Variants in CCDC178 observed in about 807,000 individuals in gnomAD.
The protein encoded by CCDC178 is coiled-coil domain-containing protein 178.
A neutral mutation model predicts 117.4 loss-of-function variants in CCDC178; 126 were observed. The observed-to-expected ratio is 1.07, with a 90% CI of 0.93 to 1.24. CCDC178 has a LOEUF of 1.24. Ranked by LOEUF, CCDC178 falls within the 50% of genes most tolerant of loss-of-function variation. The pLI is 0.00. For missense variants in CCDC178, 1,030 were observed against 986.9 expected (o/e 1.04, Z -0.59); for synonymous variants, 283 against 313.4 (o/e 0.90, Z 1.02).
chr18:33,001,142 C>T (rs2055622677), intron 21 of CCDC178, among the ~76,000 whole-genome samples: 1 of 152,116 alleles, frequency 6.6e-6, no homozygotes, highest in South Asian at 2.1e-4. Context: ...TCTGTGTTAT[C>T]ATCAATTTAA....
At chr18:32,953,200 G>A (rs1436253077) in intron 22 of CCDC178, among the ~76,000 whole-genome samples, 1 of 152,188 alleles carries the variant, frequency 6.6e-6, no homozygotes, top group Non-Finnish European at 1.5e-5. Flanking sequence ...GAGGCAAAAT[G>A]CTGCCAGTCT....
intron 5 of CCDC178, among the ~76,000 whole-genome samples, chr18:33,381,696 C>A (rs1306463963): frequency 1.3e-5 from 2 of 152,006 alleles, no homozygotes; most frequent in Non-Finnish European, 2.9e-5. Context: ...GCTTGCAGAC[C>A]ATGCAAATTG....
chr18:33,007,479 G>A (rs1463642200), intron 21 of CCDC178, among the ~76,000 whole-genome samples: 1 of 151,874 alleles, frequency 6.6e-6, no homozygotes, highest in Non-Finnish European at 1.5e-5. Flanking sequence ...CAAGCTAAGG[G>A]TCAGGTATTC....
chr18:32,971,119 T>C (rs1010593524), intron 22 of CCDC178, among the ~76,000 whole-genome samples: 8 of 152,036 alleles, frequency 5.3e-5, no homozygotes, highest in African/African-American at 1.9e-4. Flanking sequence ...ACCCATCATC[T>C]AGGTTTTAAG....
In CCDC178 at chr18:33,123,318, T is replaced by A. The variant is rs183441585; in HGVS notation, c.2239-30408A>T. On this transcript the variant is annotated intron_variant, in intron 20 of 22. Coordinates refer to ENST00000383096, the MANE Select transcript of CCDC178 (RefSeq NM_001105528.4). ...TTACAGAAAGGTAAGATGCTTAAGA[T>A]GATTTGCATAAAATGAGAGTAATGA... Among the ~76,000 whole-genome samples, 772 of 152,290 alleles carry A rather than the reference T, an allele frequency of 5.1e-3. 6 individuals carry two copies. The highest frequency in any genetic ancestry group is 8.0e-3 in the Non-Finnish European group (546 of 68,022).
intron 14 of CCDC178, among the ~76,000 whole-genome samples, chr18:33,249,027 G>A (rs2059585242): frequency 6.6e-6 from 1 of 152,070 alleles, no homozygotes; most frequent in African/African-American, 2.4e-5. Flanking sequence ...GTGATGATGA[G>A]CATTTTTTCA....
intron 20 of CCDC178, among the ~76,000 whole-genome samples, chr18:33,096,459 G>C (rs2625017): frequency 0.14 from 21,428 of 150,448 alleles, 2,361 homozygotes; most frequent in African/African-American, 0.31. Context: ...AAGGAAATTA[G>C]AAATAAGGCT....
At chr18:33,353,755 T>C (rs1229757152) in intron 7 of CCDC178, among the ~76,000 whole-genome samples, 2 of 152,186 alleles carry the variant, frequency 1.3e-5, no homozygotes, top group African/African-American at 4.8e-5. Context: ...TTCATTTGCA[T>C]AAATTTATAA....
chr18:33,093,457 A>G (rs895172162), intron 20 of CCDC178, among the ~76,000 whole-genome samples: 4 of 152,124 alleles, frequency 2.6e-5, no homozygotes, highest in African/African-American at 4.8e-5. Flanking sequence ...ACCCAGCATC[A>G]TTGTTTATAA....
chr18:33,390,938 T>G (rs971656362), intron 4 of CCDC178, among the ~76,000 whole-genome samples: 11 of 151,536 alleles, frequency 7.3e-5, no homozygotes, highest in Non-Finnish European at 1.3e-4. Context: ...ATACTAACAG[T>G]TAAAGATAGA....
intron 3 of CCDC178, among the ~76,000 whole-genome samples, chr18:33,408,072 C>T (rs1320800653): frequency 6.6e-6 from 1 of 151,298 alleles, no homozygotes; most frequent in Non-Finnish European, 1.5e-5. Flanking sequence ...GTTGTTTGTC[C>T]CAGAAATGAA....
chr18:33,418,783 G>C (rs2063983545), intron 2 of CCDC178, among the ~76,000 whole-genome samples: 2 of 152,132 alleles, frequency 1.3e-5, no homozygotes, highest in Non-Finnish European at 2.9e-5. Flanking sequence ...CAGCTAACCA[G>C]GAGGTGAAAG....
intron 3 of CCDC178, among the ~76,000 whole-genome samples, chr18:33,401,844 A>G (rs2063713377): frequency 1.3e-5 from 2 of 152,104 alleles, no homozygotes; most frequent in Admixed American, 6.5e-5. Flanking sequence ...TTAACAATCC[A>G]TCATCAGAAG....
chr18:33,086,461 G>A (rs768128047), intron 21 of CCDC178, among the ~76,000 whole-genome samples: 10 of 149,070 alleles, frequency 6.7e-5, no homozygotes, highest in Non-Finnish European at 1.2e-4. Flanking sequence ...TATATATAGC[G>A]AGAAAGAGAG....
chr18:33,239,813 C>T (rs1426852386), intron 15 of CCDC178, among the ~76,000 whole-genome samples: 1 of 151,290 alleles, frequency 6.6e-6, no homozygotes, highest in Non-Finnish European at 1.5e-5. Context: ...AGACAAAAAC[C>T]CAACAAAGAA....
chr18:33,070,482 G>T (rs75878174), intron 21 of CCDC178, among the ~76,000 whole-genome samples: 2,050 of 152,082 alleles, frequency 0.013, 26 homozygotes, highest in South Asian at 0.048. Flanking sequence ...CTCATGGAGG[G>T]AAAGAGCAGA....
At chr18:33,023,543 G>A (rs190192006) in intron 21 of CCDC178, among the ~76,000 whole-genome samples, 105 of 152,142 alleles carry the variant, frequency 6.9e-4, no homozygotes, top group African/African-American at 2.2e-3. Flanking sequence ...AAAGCAACAT[G>A]TTCAAATTTG....
In CCDC178 at chr18:33,387,580, C is replaced by T. The variant is rs550560333; in HGVS notation, c.208+1960G>A. On this transcript the variant is annotated intron_variant, in intron 5 of 22. Transcript: ENST00000383096. Reference sequence around the variant, plus strand: ...CGCACATCTACAACCATCTGATCTTCGACAAACTCGACAAAAAGAAGCAAT... The same window carrying T: ...CGCACATCTACAACCATCTGATCTTTGACAAACTCGACAAAAAGAAGCAAT... 1.2e-4 allele frequency among the ~76,000 whole-genome samples: 19 copies of T among 152,126 alleles called. No homozygotes were observed. The East Asian group carries it at 1.9e-3, about 15-fold the overall frequency.
At chr18:33,425,990 T>C (rs1039822868) in intron 2 of CCDC178, among the ~76,000 whole-genome samples, 4 of 152,158 alleles carry the variant, frequency 2.6e-5, no homozygotes, top group South Asian at 2.1e-4. Context: ...AAGCAGTTTT[T>C]CAACAGAAAA....
Sources: gnomAD v4.1 joint callset for allele counts (sites outside exome capture counted in the v4.1 genomes callset) on GRCh38, gnomAD v4.1.1 for gene constraint, MANE v1.5 for transcripts, NCBI Gene and HGNC (gene_info 2026-07-23, HGNC 2026-07-21) for gene names.